The following HIBADH variants were observed in gnomAD, a reference collection of about 807,000 sequenced individuals.
HIBADH encodes the protein 3-hydroxyisobutyrate dehydrogenase, mitochondrial.
In HIBADH, 25 loss-of-function variants were observed where a neutral mutation model predicts 36.1. The ratio of observed to expected loss-of-function variants is 0.69; its 90% CI spans 0.50 to 0.97. HIBADH has a LOEUF of 0.97. HIBADH is among the 50% of genes least tolerant of loss of function. The probability of loss-of-function intolerance (pLI) is 0.00; values close to 1 mark genes in which losing one functional copy is unlikely to be tolerated. For synonymous variants in HIBADH, 160 were observed against 149.5 expected (o/e 1.07, Z -0.51); for missense variants, 421 against 418.0 (o/e 1.01, Z -0.06).
At chr7:27,581,788 T>C (rs1372640512) in intron 4 of HIBADH, among the ~76,000 whole-genome samples, 1 of 151,920 alleles carries the variant, frequency 6.6e-6, no homozygotes, top group African/African-American at 2.4e-5. Context: ...CCATACAGAA[T>C]ATCATTTTTC....
intron 2 of HIBADH, among the ~76,000 whole-genome samples, chr7:27,645,382 T>TTTTTTGTTTTGTTTTTG (rs1583617470): frequency 3.1e-5 from 4 of 129,104 alleles, no homozygotes; most frequent in African/African-American, 1.3e-4. Flanking sequence ...TTTTTTTTTT[T>TTTTTTGTTTTGTTTTTG]TTTTTTTTTT....
In HIBADH at chr7:27,662,720, C is replaced by G. The variant is rs563954027; in HGVS notation, c.69G>C (p.Pro23=). The part of the protein sequence containing the change: ...GLRYWSRRLR[P]AAGSFAAVCS... Reference sequence around the variant, plus strand: ...TACCCGCTGCAAAGCTGCCGGCTGCCGGCCGCAGCCGCCGGCTCCAGTACC... The same window carrying G: ...TACCCGCTGCAAAGCTGCCGGCTGCGGGCCGCAGCCGCCGGCTCCAGTACC... The change falls in exon 1 of 8, where the codon CCG becomes CCC. Residue 23 remains proline (P), a synonymous_variant. Transcript: ENST00000265395. 1.7e-4 allele frequency: 235 copies of G among 1,378,164 alleles called. 1 individual carries two copies. The African/African-American group carries it at 3.0e-3, about 17-fold the overall frequency. The allele number at this position is 1,378,164 out of a possible 1,614,324, so 85.4% of individuals were successfully genotyped here.
At chr7:27,558,746 C>G (rs1436027481) in intron 4 of HIBADH, among the ~76,000 whole-genome samples, 1 of 152,154 alleles carries the variant, frequency 6.6e-6, no homozygotes, top group Non-Finnish European at 1.5e-5. Context: ...TCTATAAAAT[C>G]TCTTCCACAG....
intron 4 of HIBADH, among the ~76,000 whole-genome samples, chr7:27,586,371 A>C: frequency 6.8e-6 from 1 of 146,340 alleles, no homozygotes. Context: ...GGAGAGAGAG[A>C]AGGAAGGAAG....
intron 4 of HIBADH, among the ~76,000 whole-genome samples, chr7:27,591,278 G>A (rs1288655907): frequency 3.9e-5 from 6 of 152,172 alleles, no homozygotes; most frequent in Admixed American, 1.3e-4. Context: ...GTGGCCGGGC[G>A]TGGTGGCTCA....
At chr7:27,641,256 C>A (rs573299095) in intron 2 of HIBADH, among the ~76,000 whole-genome samples, 5 of 152,150 alleles carry the variant, frequency 3.3e-5, no homozygotes, top group Non-Finnish European at 5.9e-5. Context: ...ATTTTCTTCC[C>A]TGCAAATCTC....
At chr7:27,614,291 ATTTTAAACATAG>A (rs914610728) in intron 4 of HIBADH, among the ~76,000 whole-genome samples, 5 of 152,306 alleles carry the variant, frequency 3.3e-5, no homozygotes, top group African/African-American at 1.2e-4. Context: ...ACAATACAAC[ATTTTAAACATAG>A]TATATGCCTG....
chr7:27,627,335 C>T (rs976492422), intron 4 of HIBADH, among the ~76,000 whole-genome samples: 6 of 152,158 alleles, frequency 3.9e-5, no homozygotes, highest in Admixed American at 6.5e-5. Flanking sequence ...CCAGGAATTC[C>T]CCCTTGCTTC....
At chr7:27,605,253 T>C (rs1785198339) in intron 4 of HIBADH, among the ~76,000 whole-genome samples, 1 of 152,026 alleles carries the variant, frequency 6.6e-6, no homozygotes, top group Non-Finnish European at 1.5e-5. Flanking sequence ...TGTTTTAAAA[T>C]GAGCTGATTC....
At chr7:27,546,111 ATTTAT>A (rs1335076402) in intron 4 of HIBADH, among the ~76,000 whole-genome samples, 1 of 151,918 alleles carries the variant, frequency 6.6e-6, no homozygotes, top group African/African-American at 2.4e-5. Flanking sequence ...AATGCTATTT[ATTTAT>A]TTATTTTTTG....
At chr7:27,601,797 CTTTAG>C (rs1282720690) in intron 4 of HIBADH, among the ~76,000 whole-genome samples, 1 of 151,862 alleles carries the variant, frequency 6.6e-6, no homozygotes, top group Admixed American at 6.6e-5. Context: ...CTTTTTGTTC[CTTTAG>C]TTAACTAGAT....
At chr7:27,637,468 TATAACAAACCCACAGCC>T (rs1351984406) in intron 2 of HIBADH, among the ~76,000 whole-genome samples, 1 of 152,184 alleles carries the variant, frequency 6.6e-6, no homozygotes, top group Non-Finnish European at 1.5e-5. Context: ...AGGGATAAGC[TATAACAAACCCACAGCC>T]AACATCATAC....
At chr7:27,535,252 C>T (rs986681494) in intron 6 of HIBADH, among the ~76,000 whole-genome samples, 2 of 151,642 alleles carry the variant, frequency 1.3e-5, no homozygotes, top group African/African-American at 4.8e-5. Flanking sequence ...AGCTTTTTGG[C>T]CATTTACAAA....
chr7:27,645,382 T>TTTTGTTTGTTTTGTTTTTG (rs1554300970), intron 2 of HIBADH, among the ~76,000 whole-genome samples: 2,314 of 129,116 alleles, frequency 0.018, 109 homozygotes, highest in African/African-American at 0.069. Context: ...TTTTTTTTTT[T>TTTTGTTTGTTTTGTTTTTG]TTTTTTTTTT....
intron 6 of HIBADH, among the ~76,000 whole-genome samples, chr7:27,533,344 T>C (rs1344461542): frequency 6.6e-6 from 1 of 152,144 alleles, no homozygotes; most frequent in Non-Finnish European, 1.5e-5. Context: ...CATTACTATT[T>C]AGAAGCATCC....
chr7:27,652,354 C>G (rs1277721985), intron 1 of HIBADH, among the ~76,000 whole-genome samples: 1 of 151,894 alleles, frequency 6.6e-6, no homozygotes, highest in Non-Finnish European at 1.5e-5. Flanking sequence ...TAGAAGGATG[C>G]TAAACAACTT....
At chr7:27,599,943 A>G (rs1785100332) in intron 4 of HIBADH, among the ~76,000 whole-genome samples, 1 of 152,030 alleles carries the variant, frequency 6.6e-6, no homozygotes, top group African/African-American at 2.4e-5. Flanking sequence ...TTTGTTGCCA[A>G]TGGGAAAAAA....
chr7:27,542,671 C>CA (rs1042154229), intron 5 of HIBADH, among the ~76,000 whole-genome samples: 8 of 151,900 alleles, frequency 5.3e-5, no homozygotes, highest in Admixed American at 1.3e-4. Context: ...TGGCTGGTGT[C>CA]AAACTCCTGG....
intron 4 of HIBADH, among the ~76,000 whole-genome samples, chr7:27,563,620 C>T (rs1444741714): frequency 6.6e-6 from 1 of 152,154 alleles, no homozygotes. Context: ...TGGTATTTCA[C>T]TGTGGTTTTA....
Sources: allele counts gnomAD v4.1 joint callset (sites outside exome capture counted in the v4.1 genomes callset), GRCh38; gene constraint gnomAD v4.1.1; transcripts MANE v1.5; gene names NCBI Gene and HGNC (gene_info 2026-07-23, HGNC 2026-07-21).